Variants in AGO2 observed in about 807,000 individuals in gnomAD.
AGO2 encodes the protein argonaute RISC catalytic component 2, also known as protein argonaute-2.
Under a neutral mutation model 102.3 loss-of-function variants are expected in AGO2, and 5 were observed. The ratio of observed to expected loss-of-function variants is 0.05; its 90% confidence interval spans 0.03 to 0.10. The LOEUF (loss-of-function observed/expected upper bound fraction) is 0.10. AGO2 is among the 10% of genes least tolerant of loss of function. The pLI, the probability that AGO2 is intolerant of heterozygous loss-of-function variation, is 1.00. For synonymous variants in AGO2, 449 were observed against 473.1 expected, an observed-to-expected ratio of 0.95 and a Z score of 0.66; for missense variants, 541 against 1,183.7, an observed-to-expected ratio of 0.46 and a Z score of 7.97.
In AGO2 at chr8:140,606,793, C is replaced by T. The variant is rs180852848; in HGVS notation, c.23-21482G>A. ...CTCTACTAAAAATACAAAAATTAGC[C>T]GGTCGTGGTGGCGTGTGCCTGTATT... On this transcript the variant is annotated intron_variant, in intron 1 of 18. Transcript: ENST00000220592. 2.7e-4 allele frequency among the ~76,000 whole-genome samples: 40 copies of T among 148,578 alleles called. No homozygotes were observed. In the East Asian group the frequency reaches 7.4e-3, roughly 28 times the overall value.
At chr8:140,559,610 A>G in intron 5 of AGO2, 81 bp from the exon 6 acceptor site, 14 of 1,557,660 alleles carry the variant, frequency 9.0e-6, no homozygotes, top group Non-Finnish European at 1.2e-5. Flanking sequence ...GGGGCCTCAT[A>G]GGCCAGGCCA....
intron 1 of AGO2, among the ~76,000 whole-genome samples, chr8:140,596,824 G>C (rs560001064): frequency 6.6e-6 from 1 of 152,148 alleles, no homozygotes. Context: ...GGCCGGGGTG[G>C]GGGACGGGCC....
chr8:140,627,997 G>A (rs1170887016), intron 1 of AGO2, among the ~76,000 whole-genome samples: 1 of 152,190 alleles, frequency 6.6e-6, no homozygotes, highest in Non-Finnish European at 1.5e-5. Context: ...GATGCTCCCT[G>A]GAGCTGCTCG....
chr8:140,565,145 A>T (rs1381142231), intron 3 of AGO2, among the ~76,000 whole-genome samples: 1 of 149,834 alleles, frequency 6.7e-6, no homozygotes, highest in Non-Finnish European at 1.5e-5. Context: ...AAAACTCAAC[A>T]AAACAAAACA....
At position 140,567,375 on chromosome 8, in the gene AGO2, A is replaced by T. The variant is rs535357369; in HGVS notation, c.337-4741T>A. Among the ~76,000 whole-genome samples, 1 of 152,372 alleles carries T rather than the reference A, an allele frequency of 6.6e-6. No individual in the cohort carries two copies. Among genetic ancestry groups the T allele is most frequent in the African/African-American group, 2.4e-5 (1 of 41,606 alleles). ...CACCGTGTGCGTCTGGGCTGCCAGC[A>T]GCAGGTGGTCCACACCCGAGACACT... is the stretch of plus-strand genomic sequence containing the variant. On this transcript the variant is annotated intron_variant, in intron 3 of 18. Transcript: ENST00000220592. The surrounding 1 kb of genome is among the most constrained non-coding windows in gnomAD (Gnocchi z 5.0).
At chr8:140,568,884 G>A (rs1460074953) in intron 3 of AGO2, among the ~76,000 whole-genome samples, 2 of 152,206 alleles carry the variant, frequency 1.3e-5, no homozygotes, top group Non-Finnish European at 2.9e-5. Context: ...CAAAGCACCT[G>A]GCTCATTCGA....
At chr8:140,581,694 C>G (rs182427875) in intron 2 of AGO2, among the ~76,000 whole-genome samples, 1 of 152,236 alleles carries the variant, frequency 6.6e-6, no homozygotes, top group African/African-American at 2.4e-5. Flanking sequence ...CTAGGAAGAC[C>G]TTTAGTAAAG....
chr8:140,586,992 G>C (rs1321415560), intron 1 of AGO2, among the ~76,000 whole-genome samples: 1 of 152,214 alleles, frequency 6.6e-6, no homozygotes, highest in African/African-American at 2.4e-5. Flanking sequence ...ACCGCTGGCT[G>C]CAAGAAGGTT....
intron 2 of AGO2, among the ~76,000 whole-genome samples, chr8:140,581,408 G>A (rs1312577549): frequency 4.6e-5 from 7 of 152,142 alleles, no homozygotes; most frequent in Non-Finnish European, 1.0e-4. Flanking sequence ...CAGCTACTCC[G>A]GACGGGTAGC....
At chr8:140,578,725 G>A (rs1435648401) in intron 2 of AGO2, among the ~76,000 whole-genome samples, 1 of 152,246 alleles carries the variant, frequency 6.6e-6, no homozygotes, top group African/African-American at 2.4e-5. Flanking sequence ...CCACGGCCAA[G>A]CTGTTAGTGC....
chr8:140,562,707 TG>T (rs1364696821), intron 3 of AGO2, 73 bp from the exon 4 acceptor site: 6 of 1,544,950 alleles, frequency 3.9e-6, no homozygotes, highest in Non-Finnish European at 5.3e-6. Flanking sequence ...TGGCAGTGGT[TG>T]GCTTCCAGAC....
rs191906520 is a variant in AGO2, at chr8:140,535,460, G to C, written c.2271+8C>G. On this transcript the variant is annotated splice_region_variant and intron_variant, in intron 17 of 18. Transcript: ENST00000220592. ...AAGACTCTGTCCGAAGGGGACTCCC[G>C]GCCTTACCTGGATGCCAGCGTGACT... is the stretch of plus-strand genomic sequence containing the variant. 4.3e-5 allele frequency: 70 copies of C among 1,613,972 alleles called. 1 individual carries two copies. The African/African-American group carries it at 8.9e-4, about 21-fold the overall frequency.
chr8:140,595,656 C>CTA (rs1362125503), intron 1 of AGO2, among the ~76,000 whole-genome samples: 50 of 124,500 alleles, frequency 4.0e-4, no homozygotes, highest in Non-Finnish European at 7.2e-4. Flanking sequence ...ATATGCCAGG[C>CTA]TATATATATT....
At position 140,530,588 on chromosome 8, in the gene AGO2, T is replaced by C. The variant is rs1025194176; in HGVS notation, c.*1456A>G. 6.6e-6 allele frequency: 1 copy of C among 152,322 alleles called. No individual in the cohort carries two copies. The highest frequency in any genetic ancestry group is 2.4e-5 in the African/African-American group (1 of 41,476). 9.4% of individuals were successfully genotyped at this position (152,322 alleles called of 1,614,324 possible). On this transcript the variant is annotated 3_prime_UTR_variant, in exon 19 of 19. Coordinates refer to ENST00000220592, the MANE Select transcript of AGO2 (RefSeq NM_012154.5). The stretch of plus-strand genomic sequence containing the variant: ...TTCAAAATCGTCCGTGGTGTCACTC[T>C]TAGTGCAACAGTTTCTAGATTGGCA...
chr8:140,610,476 C>T (rs2074061139), intron 1 of AGO2, among the ~76,000 whole-genome samples: 1 of 152,204 alleles, frequency 6.6e-6, no homozygotes, highest in African/African-American at 2.4e-5. Context: ...ACCTCAGCCT[C>T]CCAAAGTGCT....
At chr8:140,559,302 G>T in intron 6 of AGO2, 93 bp downstream of exon 6, 9 of 1,499,174 alleles carry the variant, frequency 6.0e-6, no homozygotes, top group Non-Finnish European at 7.3e-6. Context: ...CCCCAAATGC[G>T]CACAAGAACC....
At chr8:140,585,065 C>T (rs576996259) in intron 2 of AGO2, 54 bp downstream of exon 2, 15 of 1,502,130 alleles carry the variant, frequency 1.0e-5, no homozygotes, top group Middle Eastern at 3.5e-4. Context: ...GTTTAAATGC[C>T]GTGTCTGTCC....
At chr8:140,606,936 AAATAAT>A (rs982785436) in intron 1 of AGO2, among the ~76,000 whole-genome samples, 1 of 150,456 alleles carries the variant, frequency 6.6e-6, no homozygotes, top group African/African-American at 2.5e-5. Flanking sequence ...GACTGCCTCA[AAATAAT>A]AATAATAATA....
intron 2 of AGO2, among the ~76,000 whole-genome samples, chr8:140,576,799 G>A (rs72694445): frequency 0.018 from 2,732 of 152,252 alleles, 33 homozygotes; most frequent in Non-Finnish European, 0.023. Context: ...CTCCAGACTG[G>A]AAACAATTCA....
Sources: gnomAD v4.1 joint callset for allele counts (sites outside exome capture counted in the v4.1 genomes callset) on GRCh38, gnomAD v4.1.1 for gene constraint, Gnocchi (gnomAD v3.1) non-coding constraint, MANE v1.5 for transcripts, NCBI Gene and HGNC (gene_info 2026-07-23, HGNC 2026-07-21) for gene names.